The following SEC63 variants were observed in gnomAD, a reference collection of about 807,000 sequenced individuals.
SEC63 encodes SEC63 protein translocation regulator.
Under a neutral mutation model 116.2 loss-of-function variants are expected in SEC63, and 56 were observed. The observed-to-expected ratio is 0.48, with a 90% CI of 0.39 to 0.60. SEC63 has a LOEUF of 0.60. Ranked by LOEUF, SEC63 falls within the 20% of genes least tolerant of loss-of-function variation. SEC63 has a pLI of 0.00. For missense variants in SEC63, 668 were observed against 900.0 expected (o/e 0.74, Z 3.30); for synonymous variants, 273 against 294.6 (o/e 0.93, Z 0.75).
chr6:107,902,677 A>T (rs1787034853), intron 12 of SEC63, among the ~76,000 whole-genome samples, 167 bp downstream of exon 12: 1 of 152,224 alleles, frequency 6.6e-6, no homozygotes, highest in Non-Finnish European at 1.5e-5. Context: ...ACAGCTACCT[A>T]GTCAAGAAAA....
intron 8 of SEC63, among the ~76,000 whole-genome samples, 168 bp downstream of exon 8, chr6:107,908,759 A>G (rs1787210510): frequency 6.6e-6 from 1 of 152,240 alleles, no homozygotes; most frequent in African/African-American, 2.4e-5. Flanking sequence ...AAATTAAGAA[A>G]TGTGACAAAG....
Position 107,896,321 on chromosome 6 carries a change from G to A in SEC63, c.1440+1328C>T, listed in dbSNP as rs548993611. Among the ~76,000 whole-genome samples the A allele has an allele frequency of 1.4e-3, 218 of 151,262 alleles. 1 individual carries two copies. The highest frequency in any genetic ancestry group is 5.1e-3 in the African/African-American group (210 of 41,190). On this transcript the variant is annotated intron_variant, in intron 14 of 20. Transcript: ENST00000369002. ...TCTACTAAAAATACAAAAATTAGCC[G>A]GGCGTGGTGGCACATGCCTGTAATG...
chr6:107,894,318 ATTAGT>A (rs1786764150), intron 14 of SEC63, among the ~76,000 whole-genome samples: 1 of 152,210 alleles, frequency 6.6e-6, no homozygotes, highest in Non-Finnish European at 1.5e-5. Context: ...TGAGACTAGT[ATTAGT>A]TTATTCACTA....
At chr6:107,872,204 C>T (rs893440391) in intron 20 of SEC63, among the ~76,000 whole-genome samples, 7 of 152,132 alleles carry the variant, frequency 4.6e-5, no homozygotes, top group Non-Finnish European at 8.8e-5. Context: ...AAACCCGAGA[C>T]ATTTTGCAGT....
rs993853254 is a variant in SEC63, at chr6:107,945,904, C to T, written c.124+11982G>A. ...TAAAAGCAATTTTACATAATGCAGGCGGTTTTTTTCCTGTATTTTGTTTGT... is the reference window on the plus strand; with the variant it reads ...TAAAAGCAATTTTACATAATGCAGGTGGTTTTTTTCCTGTATTTTGTTTGT... On this transcript the variant is annotated intron_variant, in intron 1 of 20. Transcript: ENST00000369002. Among the ~76,000 whole-genome samples the T allele has an allele frequency of 5.3e-5, 8 of 151,966 alleles. No individual in the cohort carries two copies. The South Asian group carries it at 1.0e-3, about 20-fold the overall frequency.
intron 1 of SEC63, chr6:107,957,597 C>T: frequency 4.0e-6 from 1 of 247,552 alleles, no homozygotes; most frequent in Non-Finnish European, 7.6e-6. Context: ...CCAATAAAAG[C>T]AAAGGCAGAG....
At chr6:107,914,726 C>T (rs1787360411) in intron 4 of SEC63, among the ~76,000 whole-genome samples, 1 of 152,126 alleles carries the variant, frequency 6.6e-6, no homozygotes, top group South Asian at 2.1e-4. Context: ...AACTGTCCAC[C>T]CAACTCAGAG....
chr6:107,869,339 G>GT lies in SEC63; in HGVS notation c.*2364dup, dbSNP rs759686141. ...CACAACTGCTACACTTTGAATTGTG[G>GT]TAAGTCTCCTCATGAACAGCTGTAT... On this transcript the variant is annotated 3_prime_UTR_variant, in exon 21 of 21. Transcript: ENST00000369002. 3.3e-5 allele frequency: 5 copies of GT among 152,142 alleles called. No homozygotes were observed. The highest frequency in any genetic ancestry group is 6.5e-5 in the Admixed American group (1 of 15,274). 9.4% of individuals were successfully genotyped at this position (152,142 alleles called of 1,614,324 possible).
intron 1 of SEC63, chr6:107,957,621 A>G (rs927534483): frequency 6.8e-6 from 2 of 294,758 alleles, no homozygotes; most frequent in African/African-American, 4.4e-5. Context: ...ACAAAGAGGC[A>G]GGAGGAGGCT....
Position 107,893,300 on chromosome 6 carries a change from G to T in SEC63, c.1674+182C>A, listed in dbSNP as rs181028502. On this transcript the variant is annotated intron_variant, in intron 16 of 20. Coordinates refer to ENST00000369002, the MANE Select transcript of SEC63 (RefSeq NM_007214.5). ...ATGGCGATTATAGACAGAATAGTGG[G>T]AGGTAGAGGGATGGGGAGATGGATG... Among the ~76,000 whole-genome samples, 906 of 152,300 alleles carry T rather than the reference G, an allele frequency of 5.9e-3. 4 individuals carry two copies. Among genetic ancestry groups the T allele is most frequent in the Non-Finnish European group, 9.3e-3 (631 of 68,040 alleles).
rs1786467952 is a variant in SEC63 at position 107,883,862 on chromosome 6, TTAAC to T, written c.1675-720_1675-717del. 2.0e-5 allele frequency among the ~76,000 whole-genome samples: 3 copies of T among 151,588 alleles called. No individual in the cohort carries two copies. In the East Asian group the frequency reaches 5.8e-4, roughly 29 times the overall value. On this transcript the variant is annotated intron_variant, in intron 16 of 20. Coordinates refer to ENST00000369002, the MANE Select transcript of SEC63 (RefSeq NM_007214.5). ...CTTTGGAAGTACAGAATCACTTTCT[TTAAC>T]TAACAAGGTATGATGCAGTAAGTAA...
At chr6:107,903,093 A>T in intron 11 of SEC63, 95 bp from the exon 12 acceptor site, 1 of 1,215,926 alleles carries the variant, frequency 8.2e-7, no homozygotes, top group South Asian at 1.3e-5. Context: ...CACTAAATCC[A>T]TAACACCTCA....
In SEC63 at chr6:107,898,440, G is replaced by A. The variant is rs191831778; in HGVS notation, c.1358-709C>T. ...TAGGGTTCTGTCACCCTATTAAACTGTGCAAACCTTACATTCACAAGATTT... is the reference window on the plus strand; with the variant it reads ...TAGGGTTCTGTCACCCTATTAAACTATGCAAACCTTACATTCACAAGATTT... On this transcript the variant is annotated intron_variant, in intron 13 of 20. Transcript: ENST00000369002. Among the ~76,000 whole-genome samples, 239 of 152,136 alleles carry A rather than the reference G, an allele frequency of 1.6e-3. 1 individual carries two copies. In the Middle Eastern group the frequency reaches 0.02, roughly 13 times the overall value.
intron 1 of SEC63, chr6:107,957,631 T>C: frequency 3.2e-6 from 1 of 310,038 alleles, no homozygotes; most frequent in Non-Finnish European, 5.8e-6. Context: ...AGGAGGAGGC[T>C]GCAAGGAGCG....
chr6:107,901,834 T>G (rs1217759810), intron 12 of SEC63, among the ~76,000 whole-genome samples: 1 of 152,100 alleles, frequency 6.6e-6, no homozygotes, highest in Non-Finnish European at 1.5e-5. Context: ...CAGTTTATTT[T>G]CAATTTTAAT....
intron 16 of SEC63, among the ~76,000 whole-genome samples, chr6:107,883,952 CA>C (rs1786470026): frequency 6.6e-6 from 1 of 151,830 alleles, no homozygotes; most frequent in South Asian, 2.1e-4. Context: ...AAATTAAATG[CA>C]AAGAAAGCAG....
chr6:107,957,373 T>G (rs1770731231), intron 1 of SEC63: 1 of 152,084 alleles, frequency 6.6e-6, no homozygotes, highest in South Asian at 2.1e-4. Context: ...GGGTAGGCGG[T>G]GGAAAGCTCA....
At position 107,868,000 on chromosome 6, in the gene SEC63, G is replaced by C. The variant is rs554141897; in HGVS notation, c.*3704C>G. On this transcript the variant is annotated 3_prime_UTR_variant, in exon 21 of 21. Transcript: ENST00000369002. ...ATTTGGGTTTTCAGCTCAGGTTACAGAAATATGTACAAGATCGCATCTTTT... is the reference window on the plus strand; with the variant it reads ...ATTTGGGTTTTCAGCTCAGGTTACACAAATATGTACAAGATCGCATCTTTT... 10 of 152,242 alleles carry C rather than the reference G, an allele frequency of 6.6e-5. No homozygotes were observed. The highest frequency in any genetic ancestry group is 1.5e-4 in the Non-Finnish European group (10 of 68,012). 9.4% of individuals were successfully genotyped at this position (152,242 alleles called of 1,614,324 possible). A position where few individuals can be genotyped will look rare whatever the true frequency, so the allele number is the denominator to read the frequency against.
chr6:107,920,576 C>G (rs982090539), intron 4 of SEC63, among the ~76,000 whole-genome samples: 2 of 151,944 alleles, frequency 1.3e-5, no homozygotes, highest in Admixed American at 6.6e-5. Flanking sequence ...GAGACTGGAA[C>G]TGAACCTATA....
Sources: gnomAD v4.1 joint callset for allele counts (sites outside exome capture counted in the v4.1 genomes callset) on GRCh38, gnomAD v4.1.1 for gene constraint, MANE v1.5 for transcripts, NCBI Gene and HGNC (gene_info 2026-07-23, HGNC 2026-07-21) for gene names.